The following PAK1IP1 variants were observed in gnomAD, a reference collection of about 807,000 sequenced individuals.
PAK1IP1 encodes PAK1 interacting protein 1.
PAK1IP1 carries 24 observed loss-of-function variants against 42.0 expected under a neutral mutation model. That is an observed-to-expected ratio of 0.57 (90% confidence interval 0.41 to 0.80). The LOEUF (loss-of-function observed/expected upper bound fraction) is 0.80. PAK1IP1 is among the 30% of genes least tolerant of loss of function. The pLI, the probability that PAK1IP1 is intolerant of heterozygous loss-of-function variation, is 0.00. For missense variants in PAK1IP1, 411 were observed against 467.9 expected, an observed-to-expected ratio of 0.88 and a Z score of 1.12; for synonymous variants, 154 against 156.7, an observed-to-expected ratio of 0.98 and a Z score of 0.13.
intron 8 of PAK1IP1, among the ~76,000 whole-genome samples, chr6:10,708,715 T>G (rs1473492768): frequency 6.6e-6 from 1 of 151,946 alleles, no homozygotes; most frequent in Non-Finnish European, 1.5e-5. Context: ...TGGTGTGTGA[T>G]GTTCCCCTTC....
chr6:10,696,095 T>G (rs1438184177), intron 1 of PAK1IP1, among the ~76,000 whole-genome samples: 1 of 152,116 alleles, frequency 6.6e-6, no homozygotes, highest in Non-Finnish European at 1.5e-5. Context: ...CTAGATAGGT[T>G]AAGTGACTGC....
At chr6:10,696,556 A>G (rs1029268118) in intron 1 of PAK1IP1, among the ~76,000 whole-genome samples, 1 of 152,248 alleles carries the variant, frequency 6.6e-6, no homozygotes, top group African/African-American at 2.4e-5. Context: ...CATGGCAATA[A>G]GCACAGAGTT....
chr6:10,701,044 TG>T (rs1241505356), intron 2 of PAK1IP1, among the ~76,000 whole-genome samples: 1 of 151,846 alleles, frequency 6.6e-6, no homozygotes, highest in Non-Finnish European at 1.5e-5. Flanking sequence ...GAACATGTGG[TG>T]TTTGGTTTTC....
chr6:10,691,492 T>C (rs1312985040), upstream of PAK1IP1, among the ~76,000 whole-genome samples: 1 of 152,174 alleles, frequency 6.6e-6, no homozygotes, highest in African/African-American at 2.4e-5. Context: ...ACAATGTCTC[T>C]AATCTACAGA....
At chr6:10,701,866 A>G (rs1770037159) in intron 2 of PAK1IP1, among the ~76,000 whole-genome samples, 1 of 152,310 alleles carries the variant, frequency 6.6e-6, no homozygotes, top group South Asian at 2.1e-4. Flanking sequence ...AACTGGAGAT[A>G]CTCTGCTGAA....
At position 10,708,229 on chromosome 6, in the gene PAK1IP1, C is replaced by G. The variant is rs370892880; in HGVS notation, c.840+715C>G. On this transcript the variant is annotated intron_variant, in intron 8 of 9. Coordinates refer to ENST00000379568, the MANE Select transcript of PAK1IP1 (RefSeq NM_017906.3). ...CTGCCAGTCCCTGGTAACTAGTAAT[C>G]TGTTTTTTGTTTTTATGGATTTGCC... Among the ~76,000 whole-genome samples the G allele has an allele frequency of 5.5e-5, 8 of 146,482 alleles. No individual in the cohort carries two copies. In the East Asian group the frequency reaches 1.7e-3, roughly 31 times the overall value.
In PAK1IP1 at chr6:10,694,976, G is replaced by A. The variant is rs764725295; in HGVS notation, c.-10G>A. 71 of 1,590,212 alleles carry A rather than the reference G, an allele frequency of 4.5e-5. No individual in the cohort carries two copies. Among genetic ancestry groups the A allele is most frequent in the Admixed American group, 1.0e-4 (6 of 59,368 alleles). ...AGCCGGGCTGGCGGAAGAGGCACGTGCGCTGCTGAATGGAGCTGGTCGCTG... is the reference window on the plus strand; with the variant it reads ...AGCCGGGCTGGCGGAAGAGGCACGTACGCTGCTGAATGGAGCTGGTCGCTG... On this transcript the variant is annotated 5_prime_UTR_variant, in exon 1 of 10. Transcript: ENST00000379568.
intron 7 of PAK1IP1, among the ~76,000 whole-genome samples, chr6:10,705,859 T>TA (rs1190326027): frequency 1.3e-5 from 2 of 152,222 alleles, no homozygotes; most frequent in Non-Finnish European, 2.9e-5. Context: ...AATCCATACT[T>TA]AGAGTACTGC....
chr6:10,708,480 T>C (rs1581587649), intron 8 of PAK1IP1, among the ~76,000 whole-genome samples: 1 of 152,210 alleles, frequency 6.6e-6, no homozygotes. Flanking sequence ...ATGTTATGAA[T>C]AGTGCTTCTG....
chr6:10,702,538 G>T, intron 3 of PAK1IP1, 27 bp from the exon 4 acceptor site: 1 of 1,613,970 alleles, frequency 6.2e-7, no homozygotes, highest in South Asian at 1.1e-5. Context: ...CAGTCAAGTT[G>T]GGGACTAACT....
chr6:10,697,053 AGAGTGATGATACCCAGTGTT>A (rs1410301757), intron 1 of PAK1IP1, among the ~76,000 whole-genome samples: 1 of 152,216 alleles, frequency 6.6e-6, no homozygotes, highest in African/African-American at 2.4e-5. Flanking sequence ...ACTGTGTTCT[AGAGTGATGATACCCAGTGTT>A]GCCTGCCCAC....
chr6:10,707,422 G>A lies in PAK1IP1; in HGVS notation c.748G>A (p.Asp250Asn). The A allele has an allele frequency of 1.3e-6, 2 of 1,566,636 alleles. No homozygotes were observed. The highest frequency in any genetic ancestry group is 3.4e-4 in the Middle Eastern group (2 of 5,960). The part of the protein sequence containing the change: ...EFKAHENRVK[D>N]MFSFEIPEHH... ...TTAATATTTCTATCCTAGGGTAAAG[G>A]ACATGTTCAGTTTTGAAATTCCAGA... The change falls in exon 8 of 10, where the codon GAC becomes AAC. Residue 250 changes from aspartate to asparagine, a missense_variant. Asp to Asn is a conservative substitution (Grantham distance 23, BLOSUM62 1). Coordinates refer to ENST00000379568, the MANE Select transcript of PAK1IP1 (RefSeq NM_017906.3).
chr6:10,695,732 C>T (rs1400027527), intron 1 of PAK1IP1, among the ~76,000 whole-genome samples: 1 of 152,180 alleles, frequency 6.6e-6, no homozygotes, highest in Non-Finnish European at 1.5e-5. Flanking sequence ...AATCCGACCT[C>T]CTAACATCTA....
chr6:10,694,768 C>T, upstream of PAK1IP1: 1 of 507,580 alleles, frequency 2.0e-6, no homozygotes, highest in Non-Finnish European at 3.5e-6. Flanking sequence ...CCTCATGTGG[C>T]ATCTTTACTT....
At position 10,703,470 on chromosome 6, in the gene PAK1IP1, G is replaced by A. The variant is rs955625257; in HGVS notation, c.496+13G>A. ...AATATAAAACAAAGTGAGTATTTTT[G>A]TTTGAAATGCAGGTTGAGCATTCCT... On this transcript the variant is annotated intron_variant, in intron 5 of 9. Transcript: ENST00000379568. 12 of 1,576,510 alleles carry A rather than the reference G, an allele frequency of 7.6e-6. No individual in the cohort carries two copies. Among genetic ancestry groups the A allele is most frequent in the African/African-American group, 6.7e-5 (5 of 74,174 alleles).
At chr6:10,694,932 TTC>T (rs1769742383), upstream of PAK1IP1, 5 of 894,492 alleles carry the variant, frequency 5.6e-6, no homozygotes, top group African/African-American at 1.9e-5. Flanking sequence ...TGGTTTCCGG[TTC>T]TGTCACCTCC....
At chr6:10,697,610 A>T (rs942298889) in intron 2 of PAK1IP1, 124 bp downstream of exon 2, 1 of 787,526 alleles carries the variant, frequency 1.3e-6, no homozygotes, top group African/African-American at 1.8e-5. Context: ...GGAATTTTAA[A>T]AAAAAATGGT....
chr6:10,702,454 G>T lies in PAK1IP1; in HGVS notation c.333G>T (p.Lys111Asn). 2.5e-6 allele frequency: 4 copies of T among 1,614,032 alleles called. No individual in the cohort carries two copies. Among genetic ancestry groups the T allele is most frequent in the Non-Finnish European group, 3.4e-6 (4 of 1,179,946 alleles). ...EDGLICIWDAKKWECLKSIKA... is the reference protein window; with the variant it reads ...EDGLICIWDANKWECLKSIKA... ...GACTCATCTGTATCTGGGATGCAAA[G>T]AAATGGGAATGCCTGAAGTCAATTA... The change falls in exon 3 of 10, where the codon AAG (lysine) becomes AAT (asparagine). Residue 111 changes from lysine (K) to asparagine (N), a missense_variant. By Grantham distance (94) the Lys-to-Asn change is moderately conservative (BLOSUM62 0). Coordinates refer to ENST00000379568, the MANE Select transcript of PAK1IP1 (RefSeq NM_017906.3).
chr6:10,700,880 C>T (rs567759852), intron 2 of PAK1IP1, among the ~76,000 whole-genome samples: 61 of 151,678 alleles, frequency 4.0e-4, no homozygotes, highest in Non-Finnish European at 8.4e-4. Flanking sequence ...AGGTTTGTTA[C>T]GTAGGTAAAC....
Sources: gnomAD v4.1 joint callset for allele counts (sites outside exome capture counted in the v4.1 genomes callset) on GRCh38, gnomAD v4.1.1 for gene constraint, MANE v1.5 for transcripts, NCBI Gene and HGNC (gene_info 2026-07-23, HGNC 2026-07-21) for gene names.